The following HDAC9 variants were observed in gnomAD, a reference collection of about 807,000 sequenced individuals.
HDAC9 encodes histone deacetylase 9, also known as MEF-2 interacting transcription repressor (MITR) protein.
Under a neutral mutation model 139.4 loss-of-function variants are expected in HDAC9, and 41 were observed. That is an observed-to-expected ratio of 0.29 (90% CI 0.23 to 0.38). The LOEUF (loss-of-function observed/expected upper bound fraction) is 0.38. Among genes scored for constraint, HDAC9 ranks in the 10% least tolerant of loss-of-function variants. The pLI, the probability that HDAC9 is intolerant of heterozygous loss-of-function variation, is 1.00. For synonymous variants in HDAC9, 517 were observed against 476.2 expected (o/e 1.09, Z -1.12); for missense variants, 1,147 against 1,297.0 (o/e 0.88, Z 1.78).
chr7:18,497,916 A>C (rs1797353874), intron 2 of HDAC9, among the ~76,000 whole-genome samples: 2 of 152,082 alleles, frequency 1.3e-5, no homozygotes, highest in African/African-American at 4.8e-5. Flanking sequence ...TTTTTTCTCC[A>C]CATCTTTGAT....
intron 22 of HDAC9, among the ~76,000 whole-genome samples, chr7:18,908,105 A>T (rs1465323171): frequency 6.6e-6 from 1 of 152,080 alleles, no homozygotes; most frequent in Non-Finnish European, 1.5e-5. Context: ...TTGAGACATG[A>T]AATGTCTCAA....
At chr7:18,903,547 C>CT (rs1585270141) in intron 22 of HDAC9, among the ~76,000 whole-genome samples, 2 of 152,256 alleles carry the variant, frequency 1.3e-5, no homozygotes, top group South Asian at 2.1e-4. Flanking sequence ...TTCCTTAACT[C>CT]TTTTTTACCA....
At chr7:18,134,096 TGAATAACCTTGTAGA>T (rs1024942843) in intron 1 of HDAC9, among the ~76,000 whole-genome samples, 2 of 151,996 alleles carry the variant, frequency 1.3e-5, no homozygotes, top group Non-Finnish European at 2.9e-5. Context: ...AACCATTGTG[TGAATAACCTTGTAGA>T]AGTTTCCTGT....
intron 25 of HDAC9, among the ~76,000 whole-genome samples, chr7:18,981,664 T>C (rs1041040183): frequency 6.6e-6 from 1 of 152,170 alleles, no homozygotes; most frequent in Non-Finnish European, 1.5e-5. Flanking sequence ...CATATCTCTC[T>C]CTGCCTTCAG....
At chr7:18,889,017 G>T (rs192990989) in intron 22 of HDAC9, among the ~76,000 whole-genome samples, 205 of 152,232 alleles carry the variant, frequency 1.3e-3, no homozygotes, top group African/African-American at 4.7e-3. Flanking sequence ...TATCTGTGGC[G>T]TATCATTCCT....
chr7:18,257,192 G>T (rs990267068), intron 2 of HDAC9, among the ~76,000 whole-genome samples: 12 of 150,980 alleles, frequency 7.9e-5, no homozygotes, highest in African/African-American at 2.7e-4. Flanking sequence ...AGAAAACATT[G>T]GGTCAGGTGT....
chr7:18,877,271 G>C (rs1198993332), intron 22 of HDAC9, among the ~76,000 whole-genome samples: 3 of 152,060 alleles, frequency 2.0e-5, no homozygotes, highest in Non-Finnish European at 2.9e-5. Context: ...TCCCCACTTG[G>C]TATCTTTGTT....
Position 18,986,766 on chromosome 7 carries a change from C to G in HDAC9, c.3171-9257C>G, listed in dbSNP as rs560966079. On this transcript the variant is annotated intron_variant, in intron 25 of 25. Transcript: ENST00000686413. Reference sequence around the variant, plus strand: ...TTTCCTTGAGCAGTGGTTTGTAGTTCTCCTTGAAGAGGTCCTTCACATCCC... The same window carrying G: ...TTTCCTTGAGCAGTGGTTTGTAGTTGTCCTTGAAGAGGTCCTTCACATCCC... Among the ~76,000 whole-genome samples the G allele has an allele frequency of 2.5e-3, 384 of 152,162 alleles. 1 individual carries two copies. The highest frequency in any genetic ancestry group is 0.01 in the Middle Eastern group (3 of 294).
At chr7:18,413,481 A>C (rs1788763715) in intron 1 of HDAC9, among the ~76,000 whole-genome samples, 2 of 152,118 alleles carry the variant, frequency 1.3e-5, no homozygotes, top group Admixed American at 1.3e-4. Flanking sequence ...TTAAAGATAC[A>C]CAAGACTTAA....
At chr7:18,269,309 G>T (rs1333807287) in intron 2 of HDAC9, among the ~76,000 whole-genome samples, 1 of 152,068 alleles carries the variant, frequency 6.6e-6, no homozygotes, top group Non-Finnish European at 1.5e-5. Context: ...GGCTACTCTA[G>T]GGCTTTGGAA....
intron 12 of HDAC9, among the ~76,000 whole-genome samples, chr7:18,699,167 C>T (rs1783273317): frequency 6.6e-6 from 1 of 152,128 alleles, no homozygotes; most frequent in African/African-American, 2.4e-5. Flanking sequence ...CTGACTCACA[C>T]CTTATTCTAA....
chr7:18,994,709 A>G (rs996117510), intron 25 of HDAC9, among the ~76,000 whole-genome samples: 6 of 152,192 alleles, frequency 3.9e-5, no homozygotes, highest in African/African-American at 1.4e-4. Flanking sequence ...CTAAGCTACT[A>G]CTTTATTTGT....
At chr7:18,637,942 A>G (rs1465173435) in intron 8 of HDAC9, among the ~76,000 whole-genome samples, 4 of 152,084 alleles carry the variant, frequency 2.6e-5, no homozygotes, top group Non-Finnish European at 4.4e-5. Flanking sequence ...TTTCTTAGCC[A>G]TAGTTGAGTA....
intron 1 of HDAC9, among the ~76,000 whole-genome samples, chr7:18,303,546 C>G (rs545511086): frequency 6.6e-6 from 1 of 152,038 alleles, no homozygotes; most frequent in Non-Finnish European, 1.5e-5. Context: ...CGCGCCCGGC[C>G]GGAATGAGAC....
At chr7:18,262,345 T>G (rs561393830) in intron 2 of HDAC9, among the ~76,000 whole-genome samples, 54 of 152,260 alleles carry the variant, frequency 3.5e-4, no homozygotes, top group Non-Finnish European at 6.9e-4. Context: ...ATATTCAAAG[T>G]GATGAAGGAA....
chr7:18,907,808 T>A (rs1421502201), intron 22 of HDAC9, among the ~76,000 whole-genome samples: 2 of 152,208 alleles, frequency 1.3e-5, no homozygotes, highest in Non-Finnish European at 2.9e-5. Context: ...ATTCTTAGAA[T>A]GTCTGGTCAT....
At chr7:18,794,069 A>G (rs1388104520) in intron 17 of HDAC9, among the ~76,000 whole-genome samples, 1 of 152,188 alleles carries the variant, frequency 6.6e-6, no homozygotes, top group Admixed American at 6.5e-5. Context: ...CAATTTATAA[A>G]AGCTAGAGAC....
intron 2 of HDAC9, among the ~76,000 whole-genome samples, chr7:18,277,904 G>A (rs559794923): frequency 7.8e-4 from 119 of 152,264 alleles, no homozygotes; most frequent in African/African-American, 2.7e-3. Flanking sequence ...CTATCCCAGA[G>A]ATCAAGTTTT....
At position 18,426,949 on chromosome 7, in the gene HDAC9, T is replaced by C. The variant is rs536654720; in HGVS notation, c.-41-69313T>C. Among the ~76,000 whole-genome samples, 4 of 152,314 alleles carry C rather than the reference T, an allele frequency of 2.6e-5. No individual in the cohort carries two copies. The South Asian group carries it at 6.2e-4, about 24-fold the overall frequency. ...ACAATAGCACTTTCAGGGGCTGTTT[T>C]CTTTCTTTTTTTTTCTTTTTATAGC... On this transcript the variant is annotated intron_variant, in intron 1 of 3. Coordinates refer to the HDAC9 transcript ENST00000413509.
Sources: gnomAD v4.1 joint callset for allele counts (sites outside exome capture counted in the v4.1 genomes callset) on GRCh38, gnomAD v4.1.1 for gene constraint, MANE v1.5 for transcripts, NCBI Gene and HGNC (gene_info 2026-07-23, HGNC 2026-07-21) for gene names.